Variants in RIGI observed in about 807,000 individuals in gnomAD.
RIGI encodes the protein RNA sensor RIG-I.
At chr9:32,516,627 C>A in the RIGI span, among the ~76,000 whole-genome samples, 4 of 152,142 alleles carry the variant, frequency 2.6e-5, no homozygotes, top group African/African-American at 9.7e-5. Context: ...GCCCAGACAG[C>A]AAGATCTGCT....
the RIGI span, among the ~76,000 whole-genome samples, chr9:32,521,139 C>CAAAAAAAA: frequency 0.017 from 559 of 32,744 alleles, 106 homozygotes; most frequent in Middle Eastern, 0.036. Context: ...GACACCATCT[C>CAAAAAAAA]AAAAAAAAAA....
At chr9:32,494,100 G>A in the RIGI span, among the ~76,000 whole-genome samples, 5 of 152,172 alleles carry the variant, frequency 3.3e-5, no homozygotes, top group Non-Finnish European at 4.4e-5. Flanking sequence ...AAAGAAAACA[G>A]TATTCATTTT....
At chr9:32,515,549 G>C in the RIGI span, among the ~76,000 whole-genome samples, 1 of 152,040 alleles carries the variant, frequency 6.6e-6, no homozygotes, top group Non-Finnish European at 1.5e-5. Context: ...GTATAGACTG[G>C]ATTTGTGTGA....
chr9:32,522,675 C>G, the RIGI span, among the ~76,000 whole-genome samples: 7 of 152,198 alleles, frequency 4.6e-5, no homozygotes, highest in East Asian at 1.4e-3. Flanking sequence ...CAGAAGAAAA[C>G]TATAGTATTA....
At chr9:32,510,309 G>A in the RIGI span, among the ~76,000 whole-genome samples, 2 of 152,112 alleles carry the variant, frequency 1.3e-5, no homozygotes. Flanking sequence ...AGGTTGAAAT[G>A]GAGGAAAAAT....
the RIGI span, among the ~76,000 whole-genome samples, chr9:32,517,642 A>G: frequency 6.6e-6 from 1 of 152,234 alleles, no homozygotes; most frequent in African/African-American, 2.4e-5. Flanking sequence ...AGAGTTTGGC[A>G]GCAGGTTATA....
At chr9:32,477,652 T>C in the RIGI span, among the ~76,000 whole-genome samples, 3,810 of 152,266 alleles carry the variant, frequency 0.025, 173 homozygotes, top group African/African-American at 0.088. Context: ...AGGCCGGGTG[T>C]GGTGGCTCAC....
At chr9:32,525,920 G>A in the RIGI span, 2 of 726,892 alleles carry the variant, frequency 2.8e-6, no homozygotes, top group African/African-American at 1.8e-5. Flanking sequence ...GCAACCTCTA[G>A]CCTAAAATGC....
At chr9:32,523,304 A>T in the RIGI span, among the ~76,000 whole-genome samples, 2 of 152,192 alleles carry the variant, frequency 1.3e-5, no homozygotes, top group African/African-American at 4.8e-5. Context: ...AAGGATCTCC[A>T]CATTAATGTC....
chr9:32,520,636 A>G, the RIGI span, among the ~76,000 whole-genome samples: 309 of 152,304 alleles, frequency 2.0e-3, no homozygotes, highest in African/African-American at 7.2e-3. Context: ...GTGAGCTTGT[A>G]AGGGCTGATT....
the RIGI span, among the ~76,000 whole-genome samples, chr9:32,476,369 G>A: frequency 6.6e-6 from 1 of 152,196 alleles, no homozygotes; most frequent in African/African-American, 2.4e-5. Context: ...CATGGTGGCA[G>A]ATGACTGTAG....
At chr9:32,488,052 T>C in the RIGI span, 1 of 1,614,142 alleles carries the variant, frequency 6.2e-7, no homozygotes, top group South Asian at 1.1e-5. Flanking sequence ...TCAAATATCA[T>C]CAAAGTAAAG....
the RIGI span, among the ~76,000 whole-genome samples, chr9:32,504,703 T>TATACATTTAATATATATAAAATATATAAA: frequency 1.5e-5 from 2 of 135,652 alleles, no homozygotes; most frequent in Admixed American, 1.5e-4. Flanking sequence ...ATATATATAT[T>TATACATTTAATATATATAAAATATATAAA]ATACATTTAA....
At chr9:32,487,567 T>C in the RIGI span, 2 of 1,614,186 alleles carry the variant, frequency 1.2e-6, no homozygotes, top group South Asian at 1.1e-5. Flanking sequence ...AGCTTGCAGA[T>C]ATAATCCAAG....
the RIGI span, among the ~76,000 whole-genome samples, chr9:32,515,061 A>C: frequency 1.3e-5 from 2 of 152,186 alleles, no homozygotes; most frequent in African/African-American, 4.8e-5. Flanking sequence ...AGTTGCAGAG[A>C]AGTCAGAGAC....
At chr9:32,510,174 T>C in the RIGI span, among the ~76,000 whole-genome samples, 1 of 152,124 alleles carries the variant, frequency 6.6e-6, no homozygotes, top group Non-Finnish European at 1.5e-5. Flanking sequence ...GTCAGGATGT[T>C]ATCCAGGAGA....
chr9:32,460,352 T>C, the RIGI span, among the ~76,000 whole-genome samples: 1 of 152,204 alleles, frequency 6.6e-6, no homozygotes, highest in Non-Finnish European at 1.5e-5. Flanking sequence ...GGGAATATTG[T>C]TGCATATGTA....
chr9:32,473,090 T>G, the RIGI span: 2 of 1,509,944 alleles, frequency 1.3e-6, no homozygotes, highest in Non-Finnish European at 1.8e-6. Context: ...CAATTATCAA[T>G]TGGACACTCC....
At chr9:32,499,312 A>ATTTT in the RIGI span, among the ~76,000 whole-genome samples, 1 of 32,322 alleles carries the variant, frequency 3.1e-5, no homozygotes, top group African/African-American at 1.3e-4. Context: ...AGAGTTTGTG[A>ATTTT]TTTGTTTTTT....
Sources: allele counts gnomAD v4.1 joint callset (sites outside exome capture counted in the v4.1 genomes callset), GRCh38; gene constraint gnomAD v4.1.1; transcripts MANE v1.5; gene names NCBI Gene and HGNC (gene_info 2026-07-23, HGNC 2026-07-21).